The following ADAMTSL3 variants were observed in gnomAD, a reference collection of about 807,000 sequenced individuals.
ADAMTSL3 encodes ADAMTS like 3, also known as ADAMTS-like protein 3.
ADAMTSL3 carries 128 observed loss-of-function variants against 201.7 expected under a neutral mutation model. That is an observed-to-expected ratio of 0.63 (90% CI 0.55 to 0.73). The LOEUF (loss-of-function observed/expected upper bound fraction) is 0.73, where lower values mean the gene tolerates loss of function less well. Among genes scored for constraint, ADAMTSL3 ranks in the 30% least tolerant of loss-of-function variants. The probability of loss-of-function intolerance (pLI) is 0.00; values close to 1 mark genes in which losing one functional copy is unlikely to be tolerated. For synonymous variants in ADAMTSL3, 738 were observed against 748.4 expected, an observed-to-expected ratio of 0.99 and a Z score of 0.23; for missense variants, 1,990 against 2,119.6, an observed-to-expected ratio of 0.94 and a Z score of 1.20.
intron 2 of ADAMTSL3, among the ~76,000 whole-genome samples, chr15:83,698,678 G>A (rs1353064156): frequency 6.6e-6 from 1 of 152,158 alleles, no homozygotes; most frequent in Non-Finnish European, 1.5e-5. Flanking sequence ...GGCTGGAAAT[G>A]TCCAACGCAT....
intron 2 of ADAMTSL3, among the ~76,000 whole-genome samples, chr15:83,698,811 C>T (rs1305196814): frequency 2.0e-5 from 3 of 152,156 alleles, no homozygotes; most frequent in Non-Finnish European, 4.4e-5. Context: ...ACGTTGACTT[C>T]CCTGTTGCTA....
At position 83,814,742 on chromosome 15, in the gene ADAMTSL3, A is replaced by G. The variant is rs145160157; in HGVS notation, c.364-5069A>G. ...ATTTTAAAATTTGCTTGTAGCAACA[A>G]TATTATTTCTCCTGAGTCCCTACTT... On this transcript the variant is annotated intron_variant, in intron 5 of 29. Coordinates refer to ENST00000286744, the MANE Select transcript of ADAMTSL3 (RefSeq NM_207517.3). Among the ~76,000 whole-genome samples, 1,394 of 152,282 alleles carry G rather than the reference A, an allele frequency of 9.2e-3. 23 individuals are homozygous for G. Among genetic ancestry groups the G allele is most frequent in the African/African-American group, 0.031 (1,300 of 41,540 alleles).
At chr15:83,703,480 C>T (rs1045052186) in intron 2 of ADAMTSL3, among the ~76,000 whole-genome samples, 5 of 152,020 alleles carry the variant, frequency 3.3e-5, no homozygotes, top group East Asian at 1.9e-4. Flanking sequence ...GGGAGGGACC[C>T]GGTGGGAGAT....
At position 83,982,819 on chromosome 15, in the gene ADAMTSL3, G is replaced by A. The variant is rs556553964; in HGVS notation, c.3191G>A (p.Ser1064Asn). The A allele has an allele frequency of 8.7e-6, 14 of 1,614,100 alleles. No homozygotes were observed. The South Asian group carries it at 1.5e-4, about 18-fold the overall frequency. The change falls in exon 21 of 30, where the codon AGC becomes AAC. Residue 1064 changes from serine (S) to asparagine (N), a missense_variant. Transcript: ENST00000286744. ...TTGAGAGCTCTGTTAGGCCACTGCA[G>A]CAATTCTGCAGGAAGCACCAACTCC... Reference protein sequence around the residue: ...PFLRALLGHCSNSAGSTNSWE... With the variant: ...PFLRALLGHCNNSAGSTNSWE...
intron 19 of ADAMTSL3, among the ~76,000 whole-genome samples, chr15:83,954,757 T>C (rs1440347904): frequency 6.6e-6 from 1 of 152,234 alleles, no homozygotes; most frequent in Non-Finnish European, 1.5e-5. Flanking sequence ...TTGGATAAGA[T>C]CCAGAAGCAT....
chr15:83,936,669 GTAAT>G (rs1348644516), intron 17 of ADAMTSL3, among the ~76,000 whole-genome samples: 3 of 150,712 alleles, frequency 2.0e-5, no homozygotes, highest in Non-Finnish European at 2.9e-5. Context: ...CAAATGAGAC[GTAAT>G]TAAACTAAAG....
chr15:83,765,422 T>C (rs1194919092), intron 3 of ADAMTSL3, among the ~76,000 whole-genome samples: 3 of 152,218 alleles, frequency 2.0e-5, no homozygotes, highest in African/African-American at 7.2e-5. Flanking sequence ...TTGGGTTGTT[T>C]TTAATATGGA....
intron 4 of ADAMTSL3, among the ~76,000 whole-genome samples, chr15:83,791,509 T>C (rs1403452195): frequency 6.6e-6 from 1 of 152,110 alleles, no homozygotes; most frequent in African/African-American, 2.4e-5. Flanking sequence ...ATAAATGGTG[T>C]TGGGAAAACT....
At position 83,923,920 on chromosome 15, in the gene ADAMTSL3, A is replaced by G. The variant is rs1431751990; in HGVS notation, c.2004A>G (p.Ile668Met). Residue 668 changes from isoleucine to methionine, a missense_variant, in exon 17 of 30, where the codon ATA becomes ATG. By Grantham distance (10) the Ile-to-Met change is conservative. Transcript: ENST00000286744. ...AACCTGCAGGCCATCAAGAAGCCAT[A>G]GCAGTGTGCTTACATATCCAGACCC... The part of the protein sequence containing the change: ...ATCVGGHQEA[I>M]AVCLHIQTQQ... 1 of 1,614,118 alleles carries G rather than the reference A, an allele frequency of 6.2e-7. No individual in the cohort carries two copies. Among genetic ancestry groups the G allele is most frequent in the Non-Finnish European group, 8.5e-7 (1 of 1,179,968 alleles).
chr15:83,727,933 G>T (rs2062205171), intron 3 of ADAMTSL3, among the ~76,000 whole-genome samples: 1 of 151,898 alleles, frequency 6.6e-6, no homozygotes, highest in Non-Finnish European at 1.5e-5. Flanking sequence ...TTTTCTTGTG[G>T]ATGATCTATC....
At chr15:83,891,150 A>G (rs1596363949) in intron 11 of ADAMTSL3, 179 bp from the exon 12 acceptor site, 4 of 539,842 alleles carry the variant, frequency 7.4e-6, no homozygotes, top group South Asian at 5.4e-5. Context: ...TGTCGTAGAT[A>G]TTCTTGACAA....
rs530603425 is a variant in ADAMTSL3, at chr15:83,756,730, G to A, written c.190-16793G>A. Among the ~76,000 whole-genome samples, 10 of 152,122 alleles carry A rather than the reference G, an allele frequency of 6.6e-5. No individual in the cohort carries two copies. In the South Asian group the frequency reaches 2.1e-3, roughly 32 times the overall value. On this transcript the variant is annotated intron_variant, in intron 3 of 29. Coordinates refer to ENST00000286744, the MANE Select transcript of ADAMTSL3 (RefSeq NM_207517.3). The stretch of plus-strand genomic sequence containing the variant: ...TAAAGTCTTATCTGAGACAAGGCAA[G>A]TCACTTCTGCCTATGAGCCTGTAAA...
In ADAMTSL3 at chr15:83,894,153, G is replaced by T. The variant is rs532356907; in HGVS notation, c.1467+1265G>T. ...GTGGAATGATTCACTCCATCTGAAG[G>T]TGTCAGGAAAGCTTCAGAAAGGAGG... On this transcript the variant is annotated intron_variant, in intron 13 of 29. Coordinates refer to ENST00000286744, the MANE Select transcript of ADAMTSL3 (RefSeq NM_207517.3). Among the ~76,000 whole-genome samples the T allele has an allele frequency of 7.9e-5, 12 of 152,262 alleles. 1 individual carries two copies. In the South Asian group the frequency reaches 2.5e-3, roughly 32 times the overall value.
At chr15:83,974,116 C>G (rs998609618) in intron 20 of ADAMTSL3, among the ~76,000 whole-genome samples, 3 of 152,178 alleles carry the variant, frequency 2.0e-5, no homozygotes, top group Admixed American at 2.0e-4. Context: ...GTCCCCATAG[C>G]TAGTGACTGA....
At chr15:83,954,603 T>A (rs956927217) in intron 19 of ADAMTSL3, among the ~76,000 whole-genome samples, 2 of 152,160 alleles carry the variant, frequency 1.3e-5, no homozygotes, top group African/African-American at 2.4e-5. Flanking sequence ...TAATTATGTA[T>A]TTATTGTAGT....
chr15:83,759,176 T>A (rs553983213), intron 3 of ADAMTSL3, among the ~76,000 whole-genome samples: 156 of 152,328 alleles, frequency 1.0e-3, no homozygotes, highest in African/African-American at 3.7e-3. Context: ...TAAACTCATG[T>A]GTACCCATAC....
intron 7 of ADAMTSL3, among the ~76,000 whole-genome samples, chr15:83,849,405 C>A (rs995331033): frequency 6.6e-6 from 1 of 152,214 alleles, no homozygotes; most frequent in Non-Finnish European, 1.5e-5. Flanking sequence ...GGATTACAGG[C>A]ATGAGCCACC....
At chr15:83,743,046 A>G (rs1446195237) in intron 3 of ADAMTSL3, among the ~76,000 whole-genome samples, 1 of 152,078 alleles carries the variant, frequency 6.6e-6, no homozygotes, top group Non-Finnish European at 1.5e-5. Flanking sequence ...GTTATTGCTT[A>G]TATCTAGTAC....
At chr15:83,766,180 T>TTG (rs1298721127) in intron 3 of ADAMTSL3, among the ~76,000 whole-genome samples, 1 of 152,150 alleles carries the variant, frequency 6.6e-6, no homozygotes, top group African/African-American at 2.4e-5. Context: ...CCTGGGCCCC[T>TTG]TGTGTCTGTT....
Sources: gnomAD v4.1 joint callset for allele counts (sites outside exome capture counted in the v4.1 genomes callset) on GRCh38, gnomAD v4.1.1 for gene constraint, MANE v1.5 for transcripts, NCBI Gene and HGNC (gene_info 2026-07-23, HGNC 2026-07-21) for gene names.